The following CNTNAP5 variants were observed in gnomAD, a reference collection of about 807,000 sequenced individuals.
The protein encoded by CNTNAP5 is contactin associated protein family member 5.
A neutral mutation model predicts 150.2 loss-of-function variants in CNTNAP5; 72 were observed. The ratio of observed to expected loss-of-function variants is 0.48; its 90% confidence interval spans 0.40 to 0.58. CNTNAP5 has a LOEUF of 0.58. Among genes scored for constraint, CNTNAP5 ranks in the 20% least tolerant of loss-of-function variants. CNTNAP5 has a pLI of 0.00. For missense variants in CNTNAP5, 1,636 were observed against 1,626.2 expected (o/e 1.01, Z -0.10); for synonymous variants, 672 against 619.8 (o/e 1.08, Z -1.25).
intron 10 of CNTNAP5, among the ~76,000 whole-genome samples, chr2:124,557,924 G>C (rs1221080626): frequency 1.3e-5 from 2 of 152,110 alleles, no homozygotes; most frequent in Admixed American, 6.5e-5. Flanking sequence ...AAGTCAACAT[G>C]GTTGGAGCAG....
At position 124,034,067 on chromosome 2, in the gene CNTNAP5, C is replaced by A. The variant is rs572816980; in HGVS notation, c.82+8335C>A. Among the ~76,000 whole-genome samples the A allele has an allele frequency of 1.4e-4, 21 of 152,258 alleles. No homozygotes were observed. In the South Asian group the frequency reaches 2.5e-3, roughly 18 times the overall value. On this transcript the variant is annotated intron_variant, in intron 1 of 23. Coordinates refer to ENST00000682447, the MANE Select transcript of CNTNAP5 (RefSeq NM_001367498.1). ...CTATTTTTGCCCAGGCTGAAACCCT[C>A]CCTCATATTACATGGCCAAAAGTAC... is the stretch of plus-strand genomic sequence containing the variant.
At chr2:124,073,103 T>C (rs893821333) in intron 1 of CNTNAP5, among the ~76,000 whole-genome samples, 11 of 152,108 alleles carry the variant, frequency 7.2e-5, no homozygotes, top group Admixed American at 7.2e-4. Context: ...GGACATACAT[T>C]GGAGAAAAGC....
chr2:124,680,871 G>A (rs1296148690), intron 13 of CNTNAP5: 1 of 151,752 alleles, frequency 6.6e-6, no homozygotes, highest in Non-Finnish European at 1.5e-5. Flanking sequence ...GTAATAGTTG[G>A]TAAGATTAAG....
At chr2:124,749,320 A>T (rs1457249677) in intron 14 of CNTNAP5, among the ~76,000 whole-genome samples, 1 of 150,574 alleles carries the variant, frequency 6.6e-6, no homozygotes, top group Non-Finnish European at 1.5e-5. Flanking sequence ...GTTACTCTTG[A>T]CTCTGACCCC....
intron 3 of CNTNAP5, among the ~76,000 whole-genome samples, chr2:124,394,996 T>TG (rs1441866942): frequency 6.6e-6 from 1 of 151,248 alleles, no homozygotes; most frequent in East Asian, 2.0e-4. Flanking sequence ...TGACAAATGC[T>TG]GGGGTAAAAT....
chr2:124,412,309 G>A (rs1220187625), intron 3 of CNTNAP5, among the ~76,000 whole-genome samples: 3 of 150,038 alleles, frequency 2.0e-5, no homozygotes, highest in African/African-American at 4.8e-5. Context: ...ACTGCCCAAG[G>A]TAATTTACAG....
At chr2:124,807,015 G>A (rs1304203138) in intron 19 of CNTNAP5, among the ~76,000 whole-genome samples, 4 of 151,542 alleles carry the variant, frequency 2.6e-5, no homozygotes, top group Admixed American at 2.6e-4. Context: ...TAAGAAAATA[G>A]TTGGAGTCAG....
chr2:124,380,754 G>A lies in CNTNAP5; in HGVS notation c.382-36689G>A, dbSNP rs553019865. On this transcript the variant is annotated intron_variant, in intron 3 of 23. Transcript: ENST00000682447. ...CAGTCAGTGAATATTCTCTGGGTGT[G>A]TGCTATGCGCAAGGCACTGTTTTAG... Among the ~76,000 whole-genome samples, 3 of 152,268 alleles carry A rather than the reference G, an allele frequency of 2.0e-5. No homozygotes were observed. The South Asian group carries it at 6.2e-4, about 32-fold the overall frequency.
intron 3 of CNTNAP5, among the ~76,000 whole-genome samples, chr2:124,323,983 T>G (rs1427447044): frequency 1.3e-5 from 2 of 152,034 alleles, no homozygotes; most frequent in Non-Finnish European, 2.9e-5. Context: ...TGTGTTAGGT[T>G]CTGGGAGTGC....
At chr2:124,299,588 T>C (rs1020610437) in intron 3 of CNTNAP5, among the ~76,000 whole-genome samples, 1 of 151,780 alleles carries the variant, frequency 6.6e-6, no homozygotes, top group Non-Finnish European at 1.5e-5. Flanking sequence ...GAGTCTATCA[T>C]TGATGAGCAT....
At chr2:124,225,813 C>T (rs1261645870) in intron 2 of CNTNAP5, among the ~76,000 whole-genome samples, 2 of 152,158 alleles carry the variant, frequency 1.3e-5, no homozygotes, top group East Asian at 3.9e-4. Flanking sequence ...CACTGTTCCA[C>T]TCTCTGCTTC....
chr2:124,228,147 C>T (rs77424364), intron 2 of CNTNAP5, among the ~76,000 whole-genome samples: 12,686 of 151,996 alleles, frequency 0.083, 641 homozygotes, highest in Non-Finnish European at 0.11. Context: ...GAGAAATTAA[C>T]GAACCACTGG....
intron 1 of CNTNAP5, among the ~76,000 whole-genome samples, chr2:124,081,223 G>A (rs1475745351): frequency 6.6e-6 from 1 of 151,620 alleles, no homozygotes; most frequent in Non-Finnish European, 1.5e-5. Context: ...CATGAAATAT[G>A]TTAGTTCTTA....
chr2:124,554,241 G>C (rs1178591331), intron 10 of CNTNAP5, among the ~76,000 whole-genome samples: 1 of 151,896 alleles, frequency 6.6e-6, no homozygotes, highest in East Asian at 1.9e-4. Flanking sequence ...CTACATATGT[G>C]ATATATTTTA....
chr2:124,652,335 A>AG (rs897945142), intron 13 of CNTNAP5, among the ~76,000 whole-genome samples: 2 of 152,056 alleles, frequency 1.3e-5, no homozygotes, highest in Admixed American at 6.5e-5. Flanking sequence ...TACAGAGCCC[A>AG]GGGGGGGAGA....
chr2:124,408,334 C>A lies in CNTNAP5; in HGVS notation c.382-9109C>A, dbSNP rs550319435. The stretch of plus-strand genomic sequence containing the variant: ...GGGCGCCCGCCATTGCCCAGGCTTG[C>A]TTAGGTAAACAAAGCAGCCGGGAAG... On this transcript the variant is annotated intron_variant, in intron 3 of 23. Coordinates refer to ENST00000682447, the MANE Select transcript of CNTNAP5 (RefSeq NM_001367498.1). Among the ~76,000 whole-genome samples the A allele has an allele frequency of 6.2e-4, 94 of 152,312 alleles. 1 individual carries two copies. The highest frequency in any genetic ancestry group is 4.6e-3 in the South Asian group (22 of 4,824).
At chr2:124,444,320 C>T (rs944848597) in intron 5 of CNTNAP5, among the ~76,000 whole-genome samples, 2 of 152,102 alleles carry the variant, frequency 1.3e-5, no homozygotes, top group Admixed American at 6.6e-5. Flanking sequence ...GCTGGCCGGG[C>T]GCAGTGGCTC....
intron 1 of CNTNAP5, among the ~76,000 whole-genome samples, chr2:124,030,643 A>T (rs1681021784): frequency 6.6e-6 from 1 of 152,066 alleles, no homozygotes; most frequent in South Asian, 2.1e-4. Context: ...CCAACTCCAG[A>T]GTCACATCTA....
chr2:124,511,202 T>C (rs1368071872), intron 8 of CNTNAP5, among the ~76,000 whole-genome samples: 1 of 152,194 alleles, frequency 6.6e-6, no homozygotes, highest in Non-Finnish European at 1.5e-5. Flanking sequence ...CTGGTTTGTT[T>C]TCTTAGGAGG....
Sources: allele counts gnomAD v4.1 joint callset (sites outside exome capture counted in the v4.1 genomes callset), GRCh38; gene constraint gnomAD v4.1.1; transcripts MANE v1.5; gene names NCBI Gene and HGNC (gene_info 2026-07-23, HGNC 2026-07-21).